Variants in CHST8 observed in about 807,000 individuals in gnomAD.
CHST8 encodes the protein carbohydrate sulfotransferase 8.
In CHST8, 10 loss-of-function variants were observed where a neutral mutation model predicts 15.0. The ratio of observed to expected loss-of-function variants is 0.67; its 90% CI spans 0.41 to 1.13. The LOEUF (loss-of-function observed/expected upper bound fraction) is 1.13, where lower values mean the gene tolerates loss of function less well. Ranked by LOEUF, CHST8 falls within the 50% of genes most tolerant of loss-of-function variation. CHST8 has a pLI of 0.00. For synonymous variants in CHST8, 259 were observed against 256.6 expected, an observed-to-expected ratio of 1.01 and a Z score of -0.09; for missense variants, 634 against 608.2, an observed-to-expected ratio of 1.04 and a Z score of -0.45.
intron 3 of CHST8, among the ~76,000 whole-genome samples, chr19:33,768,532 ATC>A (rs1974900313): frequency 6.6e-6 from 1 of 152,026 alleles, no homozygotes; most frequent in Non-Finnish European, 1.5e-5. Flanking sequence ...GCTCACTGCA[ATC>A]TCTGCCTCCT....
At position 33,773,087 on chromosome 19, in the gene CHST8, C is replaced by G. The variant is rs1490880490; in HGVS notation, c.*24C>G. The G allele has an allele frequency of 6.4e-7, 1 of 1,559,964 alleles. No individual in the cohort carries two copies. Among genetic ancestry groups the G allele is most frequent in the Admixed American group, 1.8e-5 (1 of 56,998 alleles). On this transcript the variant is annotated 3_prime_UTR_variant, in exon 5 of 5. Transcript: ENST00000650847. ...GAGGGGCGCCGCAGCTGGCCGGGGC[C>G]GCCCTGCCCCGGTCACTCACCTGTG...
chr19:33,693,705 A>G (rs752685787), intron 3 of CHST8, among the ~76,000 whole-genome samples: 4 of 152,116 alleles, frequency 2.6e-5, no homozygotes, highest in Non-Finnish European at 2.9e-5. Context: ...TGTTGTCCCA[A>G]TAAATTAGGT....
chr19:33,728,778 C>T (rs1307679713), intron 3 of CHST8, among the ~76,000 whole-genome samples: 1 of 152,164 alleles, frequency 6.6e-6, no homozygotes, highest in Admixed American at 6.5e-5. Context: ...CCCACTTCTT[C>T]GAGCTCCCTG....
chr19:33,683,047 T>C (rs2145247415), intron 2 of CHST8, among the ~76,000 whole-genome samples: 1 of 151,550 alleles, frequency 6.6e-6, no homozygotes, highest in Non-Finnish European at 1.5e-5. Flanking sequence ...AGTGGGGAGG[T>C]CCTAGACTCT....
At chr19:33,744,211 TC>T (rs1319044180) in intron 3 of CHST8, 1 of 152,318 alleles carries the variant, frequency 6.6e-6, no homozygotes, top group African/African-American at 2.4e-5. Flanking sequence ...ATAGTTCCTT[TC>T]TTCCCTTAGC....
At chr19:33,665,595 G>T (rs577526049) in intron 1 of CHST8, among the ~76,000 whole-genome samples, 1 of 151,268 alleles carries the variant, frequency 6.6e-6, no homozygotes, top group South Asian at 2.1e-4. Context: ...CATTTAATCA[G>T]AACTAGCATG....
chr19:33,744,909 C>G lies in CHST8; in HGVS notation c.131-26504C>G, dbSNP rs1016727593. Among the ~76,000 whole-genome samples the G allele has an allele frequency of 3.3e-5, 5 of 152,202 alleles. No homozygotes were observed. The East Asian group carries it at 9.6e-4, about 29-fold the overall frequency. Reference sequence around the variant, plus strand: ...GATTACAGGTGCCTGCCACCACACTCGGCTAATTTTTGTATTTTTAGTAGA... The same window carrying G: ...GATTACAGGTGCCTGCCACCACACTGGGCTAATTTTTGTATTTTTAGTAGA... On this transcript the variant is annotated intron_variant, in intron 3 of 4. Coordinates refer to ENST00000650847, the MANE Select transcript of CHST8 (RefSeq NM_001127895.2).
intron 3 of CHST8, among the ~76,000 whole-genome samples, chr19:33,723,684 A>G (rs1196616311): frequency 6.6e-6 from 1 of 152,228 alleles, no homozygotes; most frequent in Non-Finnish European, 1.5e-5. Flanking sequence ...TGCAAGGGAC[A>G]GCATCAGGTA....
At chr19:33,757,432 A>AGAGAG (rs1568358308) in intron 3 of CHST8, among the ~76,000 whole-genome samples, 1 of 20,688 alleles carries the variant, frequency 4.8e-5, no homozygotes, top group Non-Finnish European at 9.7e-5. Flanking sequence ...GAAAGAAAGA[A>AGAGAG]AGAAAGAAAG....
intron 1 of CHST8, among the ~76,000 whole-genome samples, chr19:33,647,424 C>T (rs1283882430): frequency 6.6e-6 from 1 of 152,070 alleles, no homozygotes; most frequent in Non-Finnish European, 1.5e-5. Context: ...GCAATGTGCT[C>T]CAGGCAAGAA....
chr19:33,672,647 G>T lies in CHST8; in HGVS notation c.-87+4804G>T, dbSNP rs928802257. 3.9e-5 allele frequency among the ~76,000 whole-genome samples: 6 copies of T among 152,314 alleles called. No homozygotes were observed. In the South Asian group the frequency reaches 1.2e-3, roughly 32 times the overall value. On this transcript the variant is annotated intron_variant, in intron 2 of 4. Transcript: ENST00000650847. ...GGGACTCTGACTGGCCGGGCAGTCG[G>T]GGCCCACACAACCAGAGGAGCTGAC...
At chr19:33,769,833 A>G (rs1974934648) in intron 3 of CHST8, among the ~76,000 whole-genome samples, 1 of 152,100 alleles carries the variant, frequency 6.6e-6, no homozygotes, top group African/African-American at 2.4e-5. Context: ...TAAGCTTGGG[A>G]GTGCCCAGGA....
At chr19:33,717,517 G>T (rs752765097) in intron 3 of CHST8, among the ~76,000 whole-genome samples, 1 of 152,122 alleles carries the variant, frequency 6.6e-6, no homozygotes, top group Non-Finnish European at 1.5e-5. Context: ...CTCAAGAGTC[G>T]TGTGGTGGGG....
chr19:33,627,108 G>GGGGGT (rs1972065029), intron 1 of CHST8, among the ~76,000 whole-genome samples: 1 of 109,018 alleles, frequency 9.2e-6, no homozygotes, highest in Admixed American at 1.0e-4. Context: ...TGGGGGGGGG[G>GGGGGT]CGGGTGGGGT....
chr19:33,751,465 T>C (rs1163523469), intron 3 of CHST8, among the ~76,000 whole-genome samples: 2 of 152,220 alleles, frequency 1.3e-5, no homozygotes, highest in Non-Finnish European at 2.9e-5. Flanking sequence ...CCTTCTGCCC[T>C]CAAGCAGCCC....
At chr19:33,678,597 C>G (rs552921621) in intron 2 of CHST8, among the ~76,000 whole-genome samples, 2 of 152,044 alleles carry the variant, frequency 1.3e-5, no homozygotes, top group South Asian at 2.1e-4. Context: ...AAACATTTAA[C>G]CAGGCACTGT....
intron 1 of CHST8, among the ~76,000 whole-genome samples, chr19:33,648,535 A>AT (rs1274221180): frequency 1.3e-5 from 2 of 152,312 alleles, no homozygotes; most frequent in East Asian, 3.9e-4. Flanking sequence ...GGGTTCAGCC[A>AT]TGTTGTATTA....
intron 3 of CHST8, among the ~76,000 whole-genome samples, chr19:33,711,087 G>C (rs780390457): frequency 2.6e-5 from 4 of 152,082 alleles, no homozygotes; most frequent in Admixed American, 6.6e-5. Context: ...ATCTAGGCTG[G>C]TCTTGAACTC....
chr19:33,664,865 T>C (rs1031706170), intron 1 of CHST8, among the ~76,000 whole-genome samples: 1 of 152,186 alleles, frequency 6.6e-6, no homozygotes, highest in African/African-American at 2.4e-5. Flanking sequence ...CTTTCTATGC[T>C]TGGCTTATTT....
Sources: gnomAD v4.1 joint callset for allele counts (sites outside exome capture counted in the v4.1 genomes callset) on GRCh38, gnomAD v4.1.1 for gene constraint, MANE v1.5 for transcripts, NCBI Gene and HGNC (gene_info 2026-07-23, HGNC 2026-07-21) for gene names.